The following SLC4A5 variants were observed in gnomAD, a reference collection of about 807,000 sequenced individuals.
SLC4A5 encodes the protein electrogenic sodium bicarbonate cotransporter 4.
SLC4A5 carries 96 observed loss-of-function variants against 120.4 expected under a neutral mutation model. That is an observed-to-expected ratio of 0.80 (90% CI 0.68 to 0.94). SLC4A5 has a LOEUF of 0.94. SLC4A5 is among the 40% of genes least tolerant of loss of function. The probability of loss-of-function intolerance (pLI) is 0.00; values close to 1 mark genes in which losing one functional copy is unlikely to be tolerated. For missense variants in SLC4A5, 1,259 were observed against 1,459.5 expected (o/e 0.86, Z 2.24); for synonymous variants, 550 against 571.1 (o/e 0.96, Z 0.53).
intron 8 of SLC4A5, among the ~76,000 whole-genome samples, chr2:74,265,635 T>C (rs1191332705): frequency 6.6e-6 from 1 of 152,214 alleles, no homozygotes; most frequent in Admixed American, 6.5e-5. Flanking sequence ...ATAAAGCTGT[T>C]TTTTTAAAAA....
At chr2:74,309,412 A>T (rs2104279232) in intron 6 of SLC4A5, among the ~76,000 whole-genome samples, 1 of 152,278 alleles carries the variant, frequency 6.6e-6, no homozygotes, top group Middle Eastern at 3.4e-3. Flanking sequence ...ACAATATCAC[A>T]CTTGATTGTA....
In SLC4A5 at chr2:74,247,294, C is replaced by T; in HGVS notation, c.1801G>A (p.Asp601Asn). 3 of 1,612,912 alleles carry T rather than the reference C, an allele frequency of 1.9e-6. No individual in the cohort carries two copies. In the South Asian group the frequency reaches 3.3e-5, roughly 18 times the overall value. Residue 601 changes from aspartate (D) to asparagine (N), a missense_variant, in exon 19 of 31, where the codon GAC becomes AAC. By Grantham distance (23) the Asp-to-Asn change is conservative. Coordinates refer to ENST00000394019, the Ensembl canonical transcript of SLC4A5. ...ATCCAGAGGCGGAACTCCATGTAGT[C>T]CAGGCCATTGCCTCTGGAAGGCAGA... is the stretch of plus-strand genomic sequence containing the variant.
exon 14 of SLC4A5, chr2:74,254,700 C>A (rs757794820): frequency 6.2e-7 from 1 of 1,612,070 alleles, no homozygotes; most frequent in Non-Finnish European, 8.5e-7. Context: ...GTAGTATAAA[C>A]AGAAATCTGC....
chr2:74,259,732 T>C, intron 11 of SLC4A5, 89 bp from the exon 12 acceptor site: 2 of 1,291,542 alleles, frequency 1.5e-6, no homozygotes, highest in Non-Finnish European at 2.3e-6. Context: ...ACCTCTCCCA[T>C]GTTCATAACC....
intron 7 of SLC4A5, among the ~76,000 whole-genome samples, chr2:74,287,571 C>T (rs1431031320): frequency 2.0e-5 from 3 of 152,170 alleles, no homozygotes; most frequent in Non-Finnish European, 2.9e-5. Flanking sequence ...GTAAGGGTTT[C>T]CCCTCAGCAA....
In SLC4A5 at chr2:74,255,459, AT is replaced by A. The variant is rs1235660988; in HGVS notation, c.1025+315del. Reference sequence around the variant, plus strand: ...AGGCGCGTACCACCACACCTGGCTAATTTTTTTGTATTTTTAGTAGAGACGG... The same window carrying A: ...AGGCGCGTACCACCACACCTGGCTAATTTTTTGTATTTTTAGTAGAGACGG... On this transcript the variant is annotated intron_variant, in intron 13 of 30. Coordinates refer to ENST00000394019, the Ensembl canonical transcript of SLC4A5. This position sits in a 1 kb window ranked among gnomAD's most constrained non-coding sequence, Gnocchi z 4.0. Among the ~76,000 whole-genome samples, 2 of 151,222 alleles carry A rather than the reference AT, an allele frequency of 1.3e-5. No homozygotes were observed. Among genetic ancestry groups the A allele is most frequent in the Non-Finnish European group, 3.0e-5 (2 of 67,786 alleles).
chr2:74,229,760 A>C (rs1694993556), intron 25 of SLC4A5, among the ~76,000 whole-genome samples: 1 of 152,134 alleles, frequency 6.6e-6, no homozygotes, highest in Admixed American at 6.6e-5. Context: ...CCAGCCTCCT[A>C]CTTACTGCTC....
chr2:74,264,999 C>CA, intron 9 of SLC4A5, 105 bp downstream of exon 9: 1 of 1,311,548 alleles, frequency 7.6e-7, no homozygotes, highest in East Asian at 2.3e-5. Flanking sequence ...AATCAGGTGT[C>CA]AGAGACGGGC....
chr2:74,313,050 T>TC (rs1491475908), intron 6 of SLC4A5, among the ~76,000 whole-genome samples: 2 of 127,598 alleles, frequency 1.6e-5, no homozygotes, highest in East Asian at 4.1e-4. Flanking sequence ...CTTTTTGGTC[T>TC]TTTTTTTTTT....
At chr2:74,272,508 G>C (rs2104091199) in intron 8 of SLC4A5, among the ~76,000 whole-genome samples, 1 of 152,254 alleles carries the variant, frequency 6.6e-6, no homozygotes, top group East Asian at 1.9e-4. Flanking sequence ...TTAGAGTTGG[G>C]GAAGCAGGTC....
chr2:74,250,413 A>G (rs200879153), exon 17 of SLC4A5: 1 of 1,614,222 alleles, frequency 6.2e-7, no homozygotes, highest in African/African-American at 1.3e-5. Flanking sequence ...GCCGAGGTAG[A>G]TGAATAGGAT....
intron 6 of SLC4A5, chr2:74,306,910 T>G: frequency 1.6e-6 from 1 of 625,514 alleles, no homozygotes; most frequent in South Asian, 1.5e-5. Flanking sequence ...AGCTTGAGCT[T>G]GATGTTCAGC....
intron 8 of SLC4A5, among the ~76,000 whole-genome samples, chr2:74,267,387 C>A (rs1381351802): frequency 1.3e-5 from 2 of 152,212 alleles, no homozygotes; most frequent in African/African-American, 4.8e-5. Flanking sequence ...GGCCAAAGAA[C>A]TGGAAACCAC....
intron 25 of SLC4A5, among the ~76,000 whole-genome samples, chr2:74,228,584 C>A (rs1276055419): frequency 6.6e-6 from 1 of 152,040 alleles, no homozygotes; most frequent in Non-Finnish European, 1.5e-5. Context: ...GAGCTGAGAT[C>A]GTGCTACTGA....
At chr2:74,247,622 C>A (rs1469050929) in intron 18 of SLC4A5, among the ~76,000 whole-genome samples, 1 of 151,778 alleles carries the variant, frequency 6.6e-6, no homozygotes, top group African/African-American at 2.4e-5. Context: ...TCAAGTGATT[C>A]TCCTGCCTCA....
intron 5 of SLC4A5, among the ~76,000 whole-genome samples, chr2:74,317,092 CCAACCCA>C: frequency 6.6e-6 from 1 of 152,320 alleles, no homozygotes; most frequent in South Asian, 2.1e-4. Flanking sequence ...GCATGTTTAG[CCAACCCA>C]GTCAACTTAA....
intron 30 of SLC4A5, 50 bp downstream of exon 30, chr2:74,221,384 T>C: frequency 7.0e-7 from 1 of 1,422,442 alleles, no homozygotes; most frequent in South Asian, 1.2e-5. Flanking sequence ...TTCCCGGCCA[T>C]TTCCTAGTCT....
chr2:74,336,170 C>T (rs532605562), intron 3 of SLC4A5, among the ~76,000 whole-genome samples: 4 of 152,234 alleles, frequency 2.6e-5, no homozygotes, highest in Admixed American at 6.5e-5. Context: ...CAGGCTCAAG[C>T]GATTCTCCTG....
chr2:74,284,191 A>T (rs1671906565), intron 8 of SLC4A5, among the ~76,000 whole-genome samples: 2 of 54,448 alleles, frequency 3.7e-5, no homozygotes, highest in Non-Finnish European at 5.1e-5. Context: ...TTTTTTTGAG[A>T]CGGAGTCTCG....
Sources: allele counts gnomAD v4.1 joint callset (sites outside exome capture counted in the v4.1 genomes callset), GRCh38; gene constraint gnomAD v4.1.1; non-coding constraint Gnocchi (gnomAD v3.1); transcripts MANE v1.5; gene names NCBI Gene and HGNC (gene_info 2026-07-23, HGNC 2026-07-21).